The following CYSTM1 variants were observed in gnomAD, a reference collection of about 807,000 sequenced individuals.
The protein encoded by CYSTM1 is cysteine-rich transmembrane module-containing protein 1.
In CYSTM1, 4 loss-of-function variants were observed where a neutral mutation model predicts 13.1. The ratio of observed to expected loss-of-function variants is 0.31; its 90% CI spans 0.15 to 0.70. CYSTM1 has a LOEUF of 0.70. CYSTM1 is among the 30% of genes least tolerant of loss of function. The probability of loss-of-function intolerance (pLI) is 0.72; values close to 1 mark genes in which losing one functional copy is unlikely to be tolerated. For synonymous variants in CYSTM1, 36 were observed against 42.7 expected (o/e 0.84, Z 0.62); for missense variants, 96 against 121.6 (o/e 0.79, Z 0.99).
intron 2 of CYSTM1, among the ~76,000 whole-genome samples, chr5:140,207,167 A>G (rs1764308697): frequency 6.6e-6 from 1 of 152,196 alleles, no homozygotes; most frequent in Non-Finnish European, 1.5e-5. Flanking sequence ...GGGTCTGGAC[A>G]CATATATACC....
At chr5:140,222,470 C>T (rs997532132) in intron 2 of CYSTM1, among the ~76,000 whole-genome samples, 1 of 152,198 alleles carries the variant, frequency 6.6e-6, no homozygotes, top group African/African-American at 2.4e-5. Context: ...TTGTGAAACT[C>T]TTGTCTTAAT....
chr5:140,207,915 G>T (rs1237209905), intron 2 of CYSTM1, among the ~76,000 whole-genome samples: 1 of 152,122 alleles, frequency 6.6e-6, no homozygotes, highest in Non-Finnish European at 1.5e-5. Flanking sequence ...TCTACTTAAA[G>T]AATTAAGGTC....
At chr5:140,197,854 ATTAG>A (rs1372887201) in intron 2 of CYSTM1, among the ~76,000 whole-genome samples, 3 of 152,234 alleles carry the variant, frequency 2.0e-5, no homozygotes, top group African/African-American at 4.8e-5. Flanking sequence ...GCGTCTGGTA[ATTAG>A]TTAGGGCTTA....
chr5:140,213,342 A>G (rs768823052), intron 2 of CYSTM1, among the ~76,000 whole-genome samples: 2 of 152,202 alleles, frequency 1.3e-5, no homozygotes, highest in Non-Finnish European at 2.9e-5. Flanking sequence ...AGTTTTGTTT[A>G]GCTGTATAAT....
chr5:140,223,307 A>G (rs1187259759), intron 2 of CYSTM1, among the ~76,000 whole-genome samples: 2 of 152,238 alleles, frequency 1.3e-5, no homozygotes, highest in Non-Finnish European at 2.9e-5. Flanking sequence ...GCTCTGGCAC[A>G]TGGCCCCTGG....
intron 2 of CYSTM1, among the ~76,000 whole-genome samples, chr5:140,220,862 C>T (rs1253319683): frequency 6.6e-6 from 1 of 152,008 alleles, no homozygotes; most frequent in East Asian, 1.9e-4. Context: ...CAGGCTGGCT[C>T]CAGGGGCCTG....
chr5:140,211,545 G>A (rs1166967318), intron 2 of CYSTM1, among the ~76,000 whole-genome samples: 1 of 152,216 alleles, frequency 6.6e-6, no homozygotes. Flanking sequence ...CTGACCCAGA[G>A]CCTGACATAC....
intron 2 of CYSTM1, among the ~76,000 whole-genome samples, chr5:140,227,019 T>C (rs1764566443): frequency 1.3e-5 from 2 of 152,004 alleles, no homozygotes; most frequent in Admixed American, 1.3e-4. Context: ...AAGCGGAGTA[T>C]GATGGATGTT....
intron 2 of CYSTM1, among the ~76,000 whole-genome samples, chr5:140,195,135 C>A (rs1764139148): frequency 6.6e-6 from 1 of 152,002 alleles, no homozygotes; most frequent in Non-Finnish European, 1.5e-5. Flanking sequence ...GCTCTTGAGT[C>A]CTTCTTGTGT....
chr5:140,205,123 G>C (rs1355040306), intron 2 of CYSTM1, among the ~76,000 whole-genome samples: 1 of 152,166 alleles, frequency 6.6e-6, no homozygotes, highest in Non-Finnish European at 1.5e-5. Context: ...CAGTGACCCT[G>C]GTTCTTTGTG....
intron 1 of CYSTM1, among the ~76,000 whole-genome samples, chr5:140,178,583 A>C (rs1462143568): frequency 2.0e-5 from 3 of 150,262 alleles, no homozygotes; most frequent in African/African-American, 7.4e-5. Context: ...TGGCTATCTA[A>C]GACCTTTTTG....
chr5:140,223,570 A>T (rs895996877), intron 2 of CYSTM1, among the ~76,000 whole-genome samples: 2 of 152,190 alleles, frequency 1.3e-5, no homozygotes, highest in Non-Finnish European at 2.9e-5. Context: ...CATTACCCTG[A>T]TGGTTACCTT....
intron 2 of CYSTM1, among the ~76,000 whole-genome samples, chr5:140,195,550 T>C (rs1764144835): frequency 6.7e-6 from 1 of 150,372 alleles, no homozygotes; most frequent in Non-Finnish European, 1.5e-5. Flanking sequence ...CACGCCGTTC[T>C]CCTGCCTCAG....
intron 1 of CYSTM1, among the ~76,000 whole-genome samples, chr5:140,182,809 G>A (rs562277998): frequency 2.2e-4 from 34 of 152,128 alleles, no homozygotes; most frequent in Admixed American, 3.3e-4. Flanking sequence ...CAGAAGAAAG[G>A]GGGAGGGTGA....
At chr5:140,189,579 C>T (rs1276526179) in intron 1 of CYSTM1, among the ~76,000 whole-genome samples, 1 of 152,156 alleles carries the variant, frequency 6.6e-6, no homozygotes, top group Admixed American at 6.5e-5. Flanking sequence ...TTTGCTCACA[C>T]GTTGTGGCTG....
chr5:140,211,940 C>T (rs1246573431), intron 2 of CYSTM1, among the ~76,000 whole-genome samples: 1 of 152,164 alleles, frequency 6.6e-6, no homozygotes, highest in Non-Finnish European at 1.5e-5. Context: ...GAGTGATACC[C>T]TGCCACACAC....
intron 2 of CYSTM1, among the ~76,000 whole-genome samples, chr5:140,211,023 G>C (rs1764360810): frequency 6.6e-6 from 1 of 152,198 alleles, no homozygotes; most frequent in Admixed American, 6.5e-5. Context: ...AGAGAATCTG[G>C]ATGTTTGGTA....
Position 140,175,718 on chromosome 5 carries a change from G to A in CYSTM1, c.-21+433G>A, listed in dbSNP as rs1763874115. Reference sequence around the variant, plus strand: ...GCCTATTCCGAGCTGGGCCAGCCGGGGGCAGGGGGCAGGTCGCGAGTCCCG... The same window carrying A: ...GCCTATTCCGAGCTGGGCCAGCCGGAGGCAGGGGGCAGGTCGCGAGTCCCG... On this transcript the variant is annotated intron_variant, in intron 1 of 2. Transcript: ENST00000261811. This position sits in a 1 kb window ranked among gnomAD's most constrained non-coding sequence, Gnocchi z 4.9. 6.6e-6 allele frequency among the ~76,000 whole-genome samples: 1 copy of A among 152,250 alleles called. No individual in the cohort carries two copies. The highest frequency in any genetic ancestry group is 1.5e-5 in the Non-Finnish European group (1 of 68,042).
chr5:140,197,585 C>G (rs552871531), intron 2 of CYSTM1, among the ~76,000 whole-genome samples: 70 of 152,224 alleles, frequency 4.6e-4, no homozygotes, highest in Admixed American at 3.3e-3. Context: ...AGTGATGAAC[C>G]CTTTAGGGAC....
Sources: allele counts gnomAD v4.1 joint callset (sites outside exome capture counted in the v4.1 genomes callset), GRCh38; gene constraint gnomAD v4.1.1; non-coding constraint Gnocchi (gnomAD v3.1); transcripts MANE v1.5; gene names NCBI Gene and HGNC (gene_info 2026-07-23, HGNC 2026-07-21).